The following PTPRD variants were observed in gnomAD, a reference collection of about 807,000 sequenced individuals.
PTPRD encodes receptor-type tyrosine-protein phosphatase delta.
PTPRD carries 34 observed loss-of-function variants against 214.5 expected under a neutral mutation model. The observed-to-expected ratio is 0.16, with a 90% CI of 0.12 to 0.21. PTPRD has a LOEUF of 0.21. Ranked by LOEUF, PTPRD falls within the 10% of genes least tolerant of loss-of-function variation. PTPRD has a pLI of 1.00. For synonymous variants in PTPRD, 1,128 were observed against 845.7 expected, an observed-to-expected ratio of 1.33 and a Z score of -5.79; for missense variants, 2,545 against 2,398.7, an observed-to-expected ratio of 1.06 and a Z score of -1.27.
chr9:10,197,524 T>C (rs2099402834), intron 3 of PTPRD, among the ~76,000 whole-genome samples: 1 of 152,162 alleles, frequency 6.6e-6, no homozygotes, highest in Admixed American at 6.6e-5. Flanking sequence ...ATGCTTTACT[T>C]ATTACAGGGA....
chr9:8,716,513 T>C (rs553904620), intron 12 of PTPRD, among the ~76,000 whole-genome samples: 1 of 150,374 alleles, frequency 6.7e-6, no homozygotes, highest in South Asian at 2.1e-4. Context: ...TGAGAAATTT[T>C]ATTCATTTCA....
chr9:10,333,452 A>T (rs1162160144), intron 3 of PTPRD, among the ~76,000 whole-genome samples: 1 of 151,794 alleles, frequency 6.6e-6, no homozygotes, highest in Non-Finnish European at 1.5e-5. Flanking sequence ...TCAGCGATTT[A>T]ATGATACAAT....
intron 2 of PTPRD, among the ~76,000 whole-genome samples, chr9:10,473,201 A>G (rs988605169): frequency 4.6e-5 from 7 of 152,178 alleles, no homozygotes; most frequent in African/African-American, 1.7e-4. Context: ...TCTTTTAAAG[A>G]AATAAACATT....
At chr9:8,406,372 C>T (rs1275950334) in intron 35 of PTPRD, among the ~76,000 whole-genome samples, 2 of 152,174 alleles carry the variant, frequency 1.3e-5, no homozygotes, top group African/African-American at 4.8e-5. Flanking sequence ...TTGCTACTTC[C>T]TACATCCGGA....
intron 34 of PTPRD, among the ~76,000 whole-genome samples, chr9:8,441,436 G>T (rs954924857): frequency 2.0e-5 from 3 of 151,996 alleles, no homozygotes; most frequent in African/African-American, 7.2e-5. Flanking sequence ...CCAGAGTATC[G>T]TGTGGCATTT....
intron 3 of PTPRD, among the ~76,000 whole-genome samples, chr9:10,281,787 G>T (rs59497569): frequency 6.6e-6 from 1 of 152,048 alleles, no homozygotes; most frequent in African/African-American, 2.4e-5. Context: ...CGTACTGAAG[G>T]TCAGGACTAC....
rs2057699079 is a variant in PTPRD at position 9,365,739 on chromosome 9, G to A, written c.-203+31710C>T. Among the ~76,000 whole-genome samples the A allele has an allele frequency of 2.0e-5, 3 of 151,394 alleles. No individual in the cohort carries two copies. In the South Asian group the frequency reaches 6.2e-4, roughly 31 times the overall value. ...GGTTTTGCCTCCTTCCTTGTGTGCTGTCGACCTACAGCATAACCCAGTCTC... is the reference window on the plus strand; with the variant it reads ...GGTTTTGCCTCCTTCCTTGTGTGCTATCGACCTACAGCATAACCCAGTCTC... On this transcript the variant is annotated intron_variant, in intron 9 of 45. Coordinates refer to ENST00000381196, the MANE Select transcript of PTPRD (RefSeq NM_002839.4).
chr9:9,192,233 A>G (rs2099935685), intron 9 of PTPRD, among the ~76,000 whole-genome samples: 1 of 152,018 alleles, frequency 6.6e-6, no homozygotes, highest in Non-Finnish European at 1.5e-5. Context: ...ATAAAAAAAA[A>G]GCTGTAAGAA....
At chr9:8,704,563 T>C (rs1175915053) in intron 12 of PTPRD, among the ~76,000 whole-genome samples, 3 of 151,952 alleles carry the variant, frequency 2.0e-5, no homozygotes, top group Non-Finnish European at 2.9e-5. Flanking sequence ...AAAGGTTAAG[T>C]GAGGTGATGT....
At chr9:8,867,975 T>G (rs2154547035) in intron 11 of PTPRD, among the ~76,000 whole-genome samples, 1 of 152,292 alleles carries the variant, frequency 6.6e-6, no homozygotes, top group South Asian at 2.1e-4. Context: ...ACATCCCATT[T>G]TTTCCAGTTT....
At chr9:8,694,448 T>C (rs1231483920) in intron 12 of PTPRD, among the ~76,000 whole-genome samples, 1 of 152,142 alleles carries the variant, frequency 6.6e-6, no homozygotes, top group East Asian at 1.9e-4. Flanking sequence ...TGATTTGTAA[T>C]CGGTCCCACT....
At chr9:10,611,906 C>G (rs2081081938) in intron 2 of PTPRD, among the ~76,000 whole-genome samples, 1 of 14,546 alleles carries the variant, frequency 6.9e-5, no homozygotes, top group African/African-American at 1.9e-4. Context: ...CCCTTTTCCG[C>G]CCCCCCCCCC....
At chr9:9,139,893 G>T (rs749335782) in intron 10 of PTPRD, among the ~76,000 whole-genome samples, 1 of 152,094 alleles carries the variant, frequency 6.6e-6, no homozygotes, top group South Asian at 2.1e-4. Flanking sequence ...ACTAATTAGT[G>T]TAAAAATATA....
At chr9:9,830,513 T>C (rs546652566) in intron 5 of PTPRD, among the ~76,000 whole-genome samples, 64 of 152,002 alleles carry the variant, frequency 4.2e-4, no homozygotes, top group East Asian at 9.7e-4. Context: ...TGTAACATCT[T>C]TATGATTTAA....
chr9:10,569,828 T>C (rs2066862282), intron 2 of PTPRD, among the ~76,000 whole-genome samples: 1 of 152,036 alleles, frequency 6.6e-6, no homozygotes, highest in Non-Finnish European at 1.5e-5. Flanking sequence ...ATATAACTAA[T>C]GAGCTTGGTA....
At chr9:9,375,981 G>A (rs1029341684) in intron 9 of PTPRD, among the ~76,000 whole-genome samples, 1 of 152,078 alleles carries the variant, frequency 6.6e-6, no homozygotes, top group Admixed American at 6.6e-5. Flanking sequence ...AAAATAAAAT[G>A]TCTGTCAGGA....
intron 37 of PTPRD, among the ~76,000 whole-genome samples, chr9:8,387,729 T>C (rs551130142): frequency 6.6e-6 from 1 of 152,298 alleles, no homozygotes; most frequent in East Asian, 1.9e-4. Context: ...TTCTGTAATG[T>C]TCTGGGCCCC....
At chr9:8,662,555 A>T (rs954768214) in intron 12 of PTPRD, among the ~76,000 whole-genome samples, 1 of 152,128 alleles carries the variant, frequency 6.6e-6, no homozygotes, top group Non-Finnish European at 1.5e-5. Flanking sequence ...GGAAAAATGG[A>T]AATTTTCATC....
chr9:8,752,151 G>C (rs2154463943), intron 11 of PTPRD, among the ~76,000 whole-genome samples: 1 of 152,272 alleles, frequency 6.6e-6, no homozygotes, highest in Non-Finnish European at 1.5e-5. Context: ...GACCTACTGG[G>C]CTGCATTCTC....
Sources: gnomAD v4.1 joint callset for allele counts (sites outside exome capture counted in the v4.1 genomes callset) on GRCh38, gnomAD v4.1.1 for gene constraint, MANE v1.5 for transcripts, NCBI Gene and HGNC (gene_info 2026-07-23, HGNC 2026-07-21) for gene names.